Variants in SENP7 observed in about 807,000 individuals in gnomAD.
SENP7 encodes the protein sentrin-specific protease 7.
In SENP7, 64 loss-of-function variants were observed where a neutral mutation model predicts 141.2. The observed-to-expected ratio is 0.45, with a 90% CI of 0.37 to 0.56. The LOEUF (loss-of-function observed/expected upper bound fraction) is 0.56, where lower values mean the gene tolerates loss of function less well. SENP7 is among the 20% of genes least tolerant of loss of function. The pLI is 0.00. For synonymous variants in SENP7, 382 were observed against 426.4 expected, an observed-to-expected ratio of 0.90 and a Z score of 1.28; for missense variants, 1,025 against 1,212.2, an observed-to-expected ratio of 0.85 and a Z score of 2.29.
At chr3:101,444,287 GC>G (rs2062797941) in intron 4 of SENP7, among the ~76,000 whole-genome samples, 1 of 147,788 alleles carries the variant, frequency 6.8e-6, no homozygotes, top group Admixed American at 7.0e-5. Context: ...CTTTGACACT[GC>G]TGGTGGGATT....
At chr3:101,335,513 ATG>A (rs370610816) in intron 17 of SENP7, among the ~76,000 whole-genome samples, 1 of 150,368 alleles carries the variant, frequency 6.7e-6, no homozygotes, top group African/African-American at 2.5e-5. Flanking sequence ...GCATGTGTAC[ATG>A]TGTGTGTGTG....
intron 3 of SENP7, among the ~76,000 whole-genome samples, chr3:101,491,785 C>T (rs1161744670): frequency 6.6e-6 from 1 of 152,140 alleles, no homozygotes; most frequent in African/African-American, 2.4e-5. Context: ...CCTCCAAGAA[C>T]AAATTTTAGA....
intron 1 of SENP7, among the ~76,000 whole-genome samples, chr3:101,507,471 T>G (rs1345667758): frequency 1.3e-5 from 2 of 152,234 alleles, no homozygotes; most frequent in East Asian, 1.9e-4. Context: ...TCTTCATCTC[T>G]TCCCTAGTTT....
chr3:101,463,416 T>TACACATATATATATATATAC (rs1559865747), intron 3 of SENP7, among the ~76,000 whole-genome samples: 26 of 116,480 alleles, frequency 2.2e-4, no homozygotes, highest in South Asian at 5.3e-4. Flanking sequence ...TATATATATA[T>TACACATATATATATATATAC]ACACACACAT....
chr3:101,431,278 G>A (rs1265524516), intron 4 of SENP7, among the ~76,000 whole-genome samples: 12 of 151,760 alleles, frequency 7.9e-5, no homozygotes, highest in Non-Finnish European at 1.5e-5. Context: ...TTAACAGTAG[G>A]GTGTTAAAGT....
chr3:101,488,446 A>G (rs1333119785), intron 3 of SENP7, among the ~76,000 whole-genome samples: 1 of 152,234 alleles, frequency 6.6e-6, no homozygotes, highest in Admixed American at 6.5e-5. Flanking sequence ...GACTAAATCT[A>G]TCACTCACTG....
intron 7 of SENP7, among the ~76,000 whole-genome samples, chr3:101,370,259 T>C (rs552947665): frequency 7.9e-4 from 120 of 152,296 alleles, no homozygotes; most frequent in African/African-American, 2.8e-3. Flanking sequence ...AAGTATTTTA[T>C]TCAAGTCAAT....
intron 4 of SENP7, among the ~76,000 whole-genome samples, chr3:101,445,227 T>C (rs754172449): frequency 1.3e-5 from 2 of 152,122 alleles, no homozygotes; most frequent in Non-Finnish European, 2.9e-5. Context: ...GAATGACATA[T>C]TCAGCAAAAC....
intron 19 of SENP7, among the ~76,000 whole-genome samples, chr3:101,330,696 T>C (rs2059025596): frequency 6.6e-6 from 1 of 152,246 alleles, no homozygotes; most frequent in Non-Finnish European, 1.5e-5. Flanking sequence ...TGCTATTTAA[T>C]GCAGAAGGTA....
At chr3:101,394,685 C>CT (rs1369004368) in intron 6 of SENP7, among the ~76,000 whole-genome samples, 3 of 151,426 alleles carry the variant, frequency 2.0e-5, no homozygotes, top group Non-Finnish European at 2.9e-5. Flanking sequence ...TTTTTTGTTT[C>CT]TTTTTTTTAA....
At chr3:101,487,305 TA>T (rs1300075756) in intron 3 of SENP7, among the ~76,000 whole-genome samples, 1 of 152,172 alleles carries the variant, frequency 6.6e-6, no homozygotes, top group Non-Finnish European at 1.5e-5. Context: ...AAACATATAT[TA>T]TTTTTTAATA....
intron 3 of SENP7, among the ~76,000 whole-genome samples, chr3:101,470,940 A>G (rs563343955): frequency 2.0e-5 from 3 of 152,356 alleles, no homozygotes; most frequent in East Asian, 3.9e-4. Context: ...AATCCAACTT[A>G]CAAGGGATGT....
At chr3:101,398,468 TA>T in intron 6 of SENP7, among the ~76,000 whole-genome samples, 1 of 151,684 alleles carries the variant, frequency 6.6e-6, no homozygotes, top group Admixed American at 6.6e-5. Context: ...TCAAAAAAAT[TA>T]AAGTAAAACA....
At chr3:101,357,395 C>A (rs1266256116) in intron 11 of SENP7, 1 of 728,712 alleles carries the variant, frequency 1.4e-6, no homozygotes. Flanking sequence ...TGTCTCTAAG[C>A]CAGACCTGAT....
chr3:101,347,931 G>A lies in SENP7; in HGVS notation c.1778C>T (p.Ser593Phe), dbSNP rs2059511008. The part of the protein sequence containing the change: ...RSHAILFFWV[S>F]SDYLQEIQTQ... ...CTGAATCTCTTGAAGATAATCTGAA[G>A]AGACCCAGAAGAAAAGAATAGCATG... Residue 593 changes from serine to phenylalanine, a missense_variant, in exon 13 of 24, where the codon TCT (serine) becomes TTT (phenylalanine). Physicochemically the swap from Ser to Phe is radical, Grantham distance 155. Transcript: ENST00000394095. The A allele has an allele frequency of 6.2e-7, 1 of 1,609,104 alleles. No homozygotes were observed. Among genetic ancestry groups the A allele is most frequent in the South Asian group, 1.1e-5 (1 of 90,490 alleles).
chr3:101,417,285 G>A (rs969086093), intron 5 of SENP7, among the ~76,000 whole-genome samples: 26 of 152,024 alleles, frequency 1.7e-4, no homozygotes, highest in Non-Finnish European at 2.6e-4. Flanking sequence ...GTATATATAT[G>A]TATCTTCATT....
intron 3 of SENP7, among the ~76,000 whole-genome samples, chr3:101,469,830 C>CAA (rs58498056): frequency 0.17 from 4,082 of 24,478 alleles, 635 homozygotes; most frequent in African/African-American, 0.22. Context: ...GACTCCGTCT[C>CAA]AAAAAAAAAA....
intron 1 of SENP7, among the ~76,000 whole-genome samples, chr3:101,505,231 C>T (rs2065553611): frequency 6.6e-6 from 1 of 152,124 alleles, no homozygotes; most frequent in Admixed American, 6.5e-5. Flanking sequence ...TAAGAAATTA[C>T]TTAATGGGTA....
At chr3:101,433,412 A>T (rs2062260353) in intron 4 of SENP7, among the ~76,000 whole-genome samples, 1 of 152,038 alleles carries the variant, frequency 6.6e-6, no homozygotes, top group Non-Finnish European at 1.5e-5. Flanking sequence ...GCAGGAAATA[A>T]GTTCTTACTT....
Sources: allele counts gnomAD v4.1 joint callset (sites outside exome capture counted in the v4.1 genomes callset), GRCh38; gene constraint gnomAD v4.1.1; transcripts MANE v1.5; gene names NCBI Gene and HGNC (gene_info 2026-07-23, HGNC 2026-07-21).